Variants in PTGS1 observed in about 807,000 individuals in gnomAD.
PTGS1 encodes the protein prostaglandin-endoperoxide synthase 1, also known as prostaglandin G/H synthase 1.
A neutral mutation model predicts 63.0 loss-of-function variants in PTGS1; 40 were observed. That is an observed-to-expected ratio of 0.63 (90% CI 0.49 to 0.83). PTGS1 has a LOEUF of 0.83. PTGS1 is among the 40% of genes least tolerant of loss of function. The pLI is 0.00. For missense variants in PTGS1, 709 were observed against 786.5 expected (o/e 0.90, Z 1.18); for synonymous variants, 298 against 301.9 (o/e 0.99, Z 0.13).
intron 10 of PTGS1, among the ~76,000 whole-genome samples, chr9:122,391,374 T>TATATATATATACATATATATATAC (rs1287269555): frequency 1.2e-5 from 1 of 81,452 alleles, no homozygotes; most frequent in Non-Finnish European, 2.2e-5. Flanking sequence ...TATATATACA[T>TATATATATATACATATATATATAC]ATATATATAT....
intron 8 of PTGS1, among the ~76,000 whole-genome samples, chr9:122,384,284 T>G (rs1481631713): frequency 6.6e-6 from 1 of 152,150 alleles, no homozygotes; most frequent in East Asian, 1.9e-4. Flanking sequence ...ACCTAAAATG[T>G]CAGATGGTTT....
chr9:122,383,749 C>G lies in PTGS1; in HGVS notation c.1003C>G (p.Leu335Val). 6.2e-7 allele frequency: 1 copy of G among 1,609,934 alleles called. No homozygotes were observed. Among genetic ancestry groups the G allele is most frequent in the Non-Finnish European group, 8.5e-7 (1 of 1,179,758 alleles). Reference sequence around the variant, plus strand: ...GCTTTTCCAGACGACCCGCCTCATCCTCATAGGTGAGGACTCCAGACCTGC... The same window carrying G: ...GCTTTTCCAGACGACCCGCCTCATCGTCATAGGTGAGGACTCCAGACCTGC... ...EQLFQTTRLI[L>V]IGETIKIVIE... Residue 335 changes from leucine (L) to valine (V), a missense_variant, in exon 8 of 11, where the codon CTC becomes GTC. By Grantham distance (32) the Leu-to-Val change is conservative (BLOSUM62 1). Coordinates refer to ENST00000362012, the MANE Select transcript of PTGS1 (RefSeq NM_000962.4).
chr9:122,379,376 C>T (rs941958711), intron 5 of PTGS1, among the ~76,000 whole-genome samples: 11 of 152,150 alleles, frequency 7.2e-5, no homozygotes, highest in African/African-American at 2.2e-4. Flanking sequence ...AGGGGTCTTC[C>T]TTGTAAGACC....
At chr9:122,391,625 T>G (rs1055417112) in intron 10 of PTGS1, among the ~76,000 whole-genome samples, 1 of 151,116 alleles carries the variant, frequency 6.6e-6, no homozygotes, top group African/African-American at 2.4e-5. Context: ...CACATGAACA[T>G]GTGGATATTG....
chr9:122,379,726 G>A (rs953090617), intron 5 of PTGS1, among the ~76,000 whole-genome samples: 3 of 152,206 alleles, frequency 2.0e-5, no homozygotes, highest in African/African-American at 7.2e-5. Flanking sequence ...CTTGCCCAGT[G>A]TCAGTGAGTG....
Position 122,371,039 on chromosome 9 carries a change from C to A in PTGS1, c.-46C>A. 1 of 1,568,682 alleles carries A rather than the reference C, an allele frequency of 6.4e-7. No individual in the cohort carries two copies. The highest frequency in any genetic ancestry group is 8.6e-7 in the Non-Finnish European group (1 of 1,165,202). On this transcript the variant is annotated 5_prime_UTR_variant, in exon 1 of 11. Coordinates refer to ENST00000362012, the MANE Select transcript of PTGS1 (RefSeq NM_000962.4). ...AGCTCCGGGCAGTGTGCGAGGCGCA[C>A]GCACAGGAGCCTGCACTCTGCGTCC...
At chr9:122,391,205 T>C (rs1379298061) in intron 10 of PTGS1, among the ~76,000 whole-genome samples, 2 of 149,718 alleles carry the variant, frequency 1.3e-5, no homozygotes, top group South Asian at 2.1e-4. Context: ...AGAATCTGCG[T>C]ATTCATATGA....
In PTGS1 at chr9:122,378,913, C is replaced by T; in HGVS notation, c.491C>T (p.Thr164Ile). ...VPKDCPTPMG[T>I]KGKKQLPDAQ... Reference sequence around the variant, plus strand: ...AAAGATTGCCCCACACCCATGGGAACCAAAGGTAAAATGGGGTGAGGAGCT... The same window carrying T: ...AAAGATTGCCCCACACCCATGGGAATCAAAGGTAAAATGGGGTGAGGAGCT... The change falls in exon 5 of 11, where the codon ACC becomes ATC. Residue 164 changes from threonine to isoleucine, a missense_variant. By Grantham distance (89) the Thr-to-Ile change is moderately conservative (BLOSUM62 -1). Transcript: ENST00000362012. 6.2e-7 allele frequency: 1 copy of T among 1,614,140 alleles called. No individual in the cohort carries two copies. The highest frequency in any genetic ancestry group is 8.5e-7 in the Non-Finnish European group (1 of 1,180,012).
At position 122,377,453 on chromosome 9, in the gene PTGS1, G is replaced by A. The variant is rs183269024; in HGVS notation, c.95-446G>A. On this transcript the variant is annotated intron_variant, in intron 2 of 10. Coordinates refer to ENST00000362012, the MANE Select transcript of PTGS1 (RefSeq NM_000962.4). Reference sequence around the variant, plus strand: ...GGGAGAAGTCCCCGTCCTCGTCCTCGTCCCTTTTCTGACCGCCCCCCCACC... The same window carrying A: ...GGGAGAAGTCCCCGTCCTCGTCCTCATCCCTTTTCTGACCGCCCCCCCACC... Among the ~76,000 whole-genome samples the A allele has an allele frequency of 1.9e-3, 296 of 151,924 alleles. 2 individuals are homozygous for A. Among genetic ancestry groups the A allele is most frequent in the African/African-American group, 7.1e-3 (295 of 41,312 alleles).
At chr9:122,380,464 C>CAAAAA (rs1212366547) in intron 5 of PTGS1, among the ~76,000 whole-genome samples, 10 of 135,928 alleles carry the variant, frequency 7.4e-5, no homozygotes, top group African/African-American at 2.9e-4. Flanking sequence ...GACCCTGTCT[C>CAAAAA]AAAAATAAAT....
At position 122,381,670 on chromosome 9, in the gene PTGS1, C is replaced by T. The variant is rs777223987; in HGVS notation, c.685C>T (p.Leu229Phe). 1.2e-6 allele frequency: 2 copies of T among 1,614,070 alleles called. No individual in the cohort carries two copies. The highest frequency in any genetic ancestry group is 1.3e-5 in the African/African-American group (1 of 74,942). ...FTKALGHGVD[L>F]GHIYGDNLER... ...AACCCCTCTCTGTCCACAGGTAGAC[C>T]TCGGCCACATTTATGGAGACAATCT... Residue 229 changes from leucine to phenylalanine, a missense_variant, in exon 7 of 11, where the codon CTC (leucine) becomes TTC (phenylalanine). Coordinates refer to ENST00000362012, the MANE Select transcript of PTGS1 (RefSeq NM_000962.4).
chr9:122,389,046 T>C (rs1173049331), intron 9 of PTGS1, among the ~76,000 whole-genome samples: 1 of 152,032 alleles, frequency 6.6e-6, no homozygotes, highest in Non-Finnish European at 1.5e-5. Flanking sequence ...CATCCAACCA[T>C]GCCTTTCTTT....
At chr9:122,390,090 C>G (rs1838116313) in intron 9 of PTGS1, 108 bp from the exon 10 acceptor site, 5 of 1,352,414 alleles carry the variant, frequency 3.7e-6, no homozygotes, top group Non-Finnish European at 4.0e-6. Flanking sequence ...ACTCTCCATC[C>G]TAGCTCAGAA....
At chr9:122,385,622 G>T (rs977620295) in intron 8 of PTGS1, among the ~76,000 whole-genome samples, 3 of 151,838 alleles carry the variant, frequency 2.0e-5, no homozygotes, top group African/African-American at 7.3e-5. Context: ...TATGTTTTTT[G>T]AAATATATTT....
chr9:122,370,789 C>T, upstream of PTGS1: 1 of 588,658 alleles, frequency 1.7e-6, no homozygotes, highest in East Asian at 2.8e-5. Flanking sequence ...CATTGAGCAT[C>T]GTCTCTGAGC....
chr9:122,384,029 G>A (rs1837709302), intron 8 of PTGS1, among the ~76,000 whole-genome samples: 1 of 152,146 alleles, frequency 6.6e-6, no homozygotes, highest in South Asian at 2.1e-4. Flanking sequence ...GACTGTGATG[G>A]TTGATTATTA....
intron 2 of PTGS1, among the ~76,000 whole-genome samples, chr9:122,374,055 G>T (rs375749072): frequency 2.0e-5 from 3 of 152,234 alleles, no homozygotes; most frequent in East Asian, 1.9e-4. Flanking sequence ...TTTGGGCTAG[G>T]GGGTGTTCCT....
At chr9:122,377,808 T>C in intron 2 of PTGS1, 91 bp from the exon 3 acceptor site, 1 of 1,168,168 alleles carries the variant, frequency 8.6e-7, no homozygotes, top group Non-Finnish European at 1.3e-6. Flanking sequence ...CTTAAGTCCA[T>C]GCCTCTGGCC....
chr9:122,375,847 T>G (rs2119123189), intron 2 of PTGS1, among the ~76,000 whole-genome samples: 1 of 152,186 alleles, frequency 6.6e-6, no homozygotes, highest in African/African-American at 2.4e-5. Flanking sequence ...GGAGTTCATT[T>G]TGAGATCCCT....
Sources: gnomAD v4.1 joint callset for allele counts (sites outside exome capture counted in the v4.1 genomes callset) on GRCh38, gnomAD v4.1.1 for gene constraint, MANE v1.5 for transcripts, NCBI Gene and HGNC (gene_info 2026-07-23, HGNC 2026-07-21) for gene names.